Variants in CEP112 observed in about 807,000 individuals in gnomAD.
CEP112 encodes the protein centrosomal protein 112.
Under a neutral mutation model 153.0 loss-of-function variants are expected in CEP112, and 127 were observed. The ratio of observed to expected loss-of-function variants is 0.83; its 90% confidence interval spans 0.72 to 0.96. The LOEUF is 0.96. Ranked by LOEUF, CEP112 falls within the 40% of genes least tolerant of loss-of-function variation. The pLI, the probability that CEP112 is intolerant of heterozygous loss-of-function variation, is 0.00. For synonymous variants in CEP112, 358 were observed against 374.4 expected (o/e 0.96, Z 0.51); for missense variants, 1,089 against 1,101.2 (o/e 0.99, Z 0.16).
At chr17:66,016,435 A>T (rs1431196176) in intron 16 of CEP112, among the ~76,000 whole-genome samples, 1 of 152,162 alleles carries the variant, frequency 6.6e-6, no homozygotes, top group Non-Finnish European at 1.5e-5. Flanking sequence ...TCTCTCAGAG[A>T]TACAGCTAAA....
At chr17:66,067,136 T>A (rs575854413) in intron 9 of CEP112, among the ~76,000 whole-genome samples, 2 of 152,238 alleles carry the variant, frequency 1.3e-5, no homozygotes, top group African/African-American at 4.8e-5. Flanking sequence ...TCCATGTTAA[T>A]AATTCTAGCC....
chr17:65,937,471 G>A lies in CEP112; in HGVS notation c.1873-9782C>T, dbSNP rs1375121846. On this transcript the variant is annotated intron_variant, in intron 18 of 26. Coordinates refer to ENST00000535342, the MANE Select transcript of CEP112 (RefSeq NM_001199165.4). ...AGGAGCGTCTCTGCCCGGCCGCCCCGTCTGAGAAGTGAGGAGACCCTCTGC... is the reference window on the plus strand; with the variant it reads ...AGGAGCGTCTCTGCCCGGCCGCCCCATCTGAGAAGTGAGGAGACCCTCTGC... 3.2e-4 allele frequency among the ~76,000 whole-genome samples: 31 copies of A among 97,574 alleles called. 1 individual carries two copies. Among genetic ancestry groups the A allele is most frequent in the South Asian group, 1.0e-3 (2 of 1,936 alleles). 64.0% of individuals were successfully genotyped at this position (97,574 alleles called of 152,430 possible). A position where few individuals can be genotyped will look rare whatever the true frequency, so the allele number is the denominator to read the frequency against.
chr17:65,810,569 A>G (rs2145904215), intron 21 of CEP112, among the ~76,000 whole-genome samples: 1 of 152,258 alleles, frequency 6.6e-6, no homozygotes, highest in East Asian at 1.9e-4. Flanking sequence ...CTATAAAAAC[A>G]GCACTTTCTT....
intron 8 of CEP112, among the ~76,000 whole-genome samples, chr17:66,092,884 T>C (rs1254783447): frequency 2.6e-5 from 4 of 152,174 alleles, no homozygotes; most frequent in Admixed American, 6.5e-5. Flanking sequence ...ATAAAGGCCA[T>C]ACATGAAAAA....
intron 21 of CEP112, among the ~76,000 whole-genome samples, chr17:65,845,468 G>T (rs569157779): frequency 1.4e-4 from 21 of 152,150 alleles, no homozygotes; most frequent in Non-Finnish European, 3.1e-4. Flanking sequence ...TAATTAGTTT[G>T]ATCTTGGGCA....
intron 19 of CEP112, among the ~76,000 whole-genome samples, chr17:65,908,618 C>T (rs985939829): frequency 1.1e-4 from 17 of 151,324 alleles, no homozygotes; most frequent in African/African-American, 2.4e-4. Context: ...CGCTTGAACC[C>T]GGGAGGTGGA....
intron 20 of CEP112, among the ~76,000 whole-genome samples, chr17:65,884,910 T>A (rs1052613672): frequency 1.3e-5 from 2 of 152,008 alleles, no homozygotes; most frequent in African/African-American, 4.8e-5. Context: ...GAGACAGGGT[T>A]TCTCCATGTT....
At chr17:65,677,716 C>G (rs2047305027) in intron 24 of CEP112, among the ~76,000 whole-genome samples, 1 of 152,034 alleles carries the variant, frequency 6.6e-6, no homozygotes, top group African/African-American at 2.4e-5. Flanking sequence ...AGTTCGAGAC[C>G]AGCCTGGCCA....
At chr17:65,931,569 AATG>A (rs1169282445) in intron 18 of CEP112, among the ~76,000 whole-genome samples, 1 of 152,200 alleles carries the variant, frequency 6.6e-6, no homozygotes, top group East Asian at 1.9e-4. Flanking sequence ...AGCTATAAAC[AATG>A]AAGGGAAAAT....
At chr17:66,096,916 C>T (rs1203859019) in intron 6 of CEP112, among the ~76,000 whole-genome samples, 1 of 152,060 alleles carries the variant, frequency 6.6e-6, no homozygotes, top group Non-Finnish European at 1.5e-5. Flanking sequence ...TTTTATGCTC[C>T]CAGGATCCAC....
chr17:65,980,743 C>T (rs139561083), intron 17 of CEP112, among the ~76,000 whole-genome samples: 358 of 152,204 alleles, frequency 2.4e-3, no homozygotes, highest in African/African-American at 8.3e-3. Flanking sequence ...CCAGGCTCTG[C>T]GCTTTCTGTT....
chr17:65,970,796 T>C (rs1178480401), intron 17 of CEP112, among the ~76,000 whole-genome samples: 4 of 44,828 alleles, frequency 8.9e-5, no homozygotes, highest in South Asian at 2.3e-3. Flanking sequence ...AAATGTATAT[T>C]GCACATGTGT....
rs1229281434 is a variant in CEP112 at position 65,858,884 on chromosome 17, A to G, written c.2164-6850T>C. On this transcript the variant is annotated intron_variant, in intron 20 of 26. Coordinates refer to ENST00000535342, the MANE Select transcript of CEP112 (RefSeq NM_001199165.4). ...ATAAGAATTTATAAGCCACAAAAGT[A>G]GATACAGTAAACTATCTTCCACTCA... 1.3e-5 allele frequency among the ~76,000 whole-genome samples: 2 copies of G among 152,226 alleles called. 1 individual carries two copies. The highest frequency in any genetic ancestry group is 4.1e-4 in the South Asian group (2 of 4,834).
intron 5 of CEP112, among the ~76,000 whole-genome samples, chr17:66,130,292 T>C (rs957160343): frequency 1.3e-5 from 2 of 152,176 alleles, no homozygotes; most frequent in South Asian, 4.1e-4. Flanking sequence ...AAAGTTTTAA[T>C]TGTGGTATAC....
intron 21 of CEP112, among the ~76,000 whole-genome samples, chr17:65,825,678 G>T (rs1321801227): frequency 6.6e-6 from 1 of 151,982 alleles, no homozygotes; most frequent in Non-Finnish European, 1.5e-5. Flanking sequence ...TAAAAAAATA[G>T]TTATCATAAC....
At chr17:66,031,875 C>T (rs1056657733) in intron 12 of CEP112, among the ~76,000 whole-genome samples, 13 of 151,946 alleles carry the variant, frequency 8.6e-5, no homozygotes, top group Admixed American at 1.3e-4. Context: ...TTTTCAATGA[C>T]GGAAGATGAG....
At chr17:66,010,532 G>C (rs2064475586) in intron 16 of CEP112, among the ~76,000 whole-genome samples, 1 of 152,116 alleles carries the variant, frequency 6.6e-6, no homozygotes, top group Non-Finnish European at 1.5e-5. Flanking sequence ...TCCTTGCCTT[G>C]CTGAGGTTTT....
chr17:65,975,475 T>C (rs1194173003), intron 17 of CEP112, among the ~76,000 whole-genome samples: 1 of 152,180 alleles, frequency 6.6e-6, no homozygotes, highest in Non-Finnish European at 1.5e-5. Flanking sequence ...CACAGGGATG[T>C]ATATGTATGT....
chr17:65,825,803 A>G (rs1231205220), intron 21 of CEP112, among the ~76,000 whole-genome samples: 1 of 152,190 alleles, frequency 6.6e-6, no homozygotes, highest in Non-Finnish European at 1.5e-5. Flanking sequence ...TGGCAACTTC[A>G]CTTTTTCTTG....
Sources: gnomAD v4.1 joint callset for allele counts (sites outside exome capture counted in the v4.1 genomes callset) on GRCh38, gnomAD v4.1.1 for gene constraint, MANE v1.5 for transcripts, NCBI Gene and HGNC (gene_info 2026-07-23, HGNC 2026-07-21) for gene names.